Variants in GRIN2A observed in about 807,000 individuals in gnomAD.
The protein encoded by GRIN2A is glutamate ionotropic receptor NMDA type subunit 2A.
Under a neutral mutation model 113.4 loss-of-function variants are expected in GRIN2A, and 22 were observed. That is an observed-to-expected ratio of 0.19 (90% CI 0.14 to 0.28). The LOEUF (loss-of-function observed/expected upper bound fraction) is 0.28, where lower values mean the gene tolerates loss of function less well. Among genes scored for constraint, GRIN2A ranks in the 10% least tolerant of loss-of-function variants. GRIN2A has a pLI of 1.00. For missense variants in GRIN2A, 1,502 were observed against 1,887.0 expected (o/e 0.80, Z 3.78); for synonymous variants, 827 against 738.4 (o/e 1.12, Z -1.94).
chr16:9,947,624 C>G (rs1456360333), intron 2 of GRIN2A, among the ~76,000 whole-genome samples: 2 of 152,184 alleles, frequency 1.3e-5, no homozygotes, highest in African/African-American at 4.8e-5. Context: ...TGCTCAAGTT[C>G]CAGAAGAAAT....
chr16:10,007,037 T>G (rs2141856870), intron 2 of GRIN2A, among the ~76,000 whole-genome samples: 1 of 152,372 alleles, frequency 6.6e-6, no homozygotes, highest in Admixed American at 6.5e-5. Context: ...AATCTGTTGA[T>G]GAACACTTAG....
intron 2 of GRIN2A, among the ~76,000 whole-genome samples, chr16:9,944,968 C>G (rs563461401): frequency 1.8e-4 from 27 of 152,114 alleles, no homozygotes; most frequent in African/African-American, 5.3e-4. Flanking sequence ...AGTGAAGGAC[C>G]CTGATTCCAT....
chr16:10,106,021 A>G (rs2048494271), intron 2 of GRIN2A, among the ~76,000 whole-genome samples: 1 of 152,264 alleles, frequency 6.6e-6, no homozygotes, highest in African/African-American at 2.4e-5. Flanking sequence ...TGTACAGTAT[A>G]GCCTGCCAGC....
At chr16:9,894,496 T>G (rs2043763668) in intron 3 of GRIN2A, among the ~76,000 whole-genome samples, 1 of 152,160 alleles carries the variant, frequency 6.6e-6, no homozygotes, top group Non-Finnish European at 1.5e-5. Context: ...GTTTCCTGGC[T>G]GGAGTTTGAT....
At chr16:9,987,550 T>C (rs979173407) in intron 2 of GRIN2A, among the ~76,000 whole-genome samples, 3 of 152,026 alleles carry the variant, frequency 2.0e-5, no homozygotes, top group African/African-American at 7.2e-5. Flanking sequence ...ATTTCAAGAG[T>C]AGCATACAAA....
intron 4 of GRIN2A, among the ~76,000 whole-genome samples, chr16:9,864,599 T>G (rs2043130029): frequency 6.6e-6 from 1 of 152,186 alleles, no homozygotes; most frequent in South Asian, 2.1e-4. Context: ...AGCTGATGGA[T>G]TTCCTCACTC....
chr16:9,806,749 G>A (rs2041976158), intron 10 of GRIN2A, among the ~76,000 whole-genome samples: 1 of 133,012 alleles, frequency 7.5e-6, no homozygotes, highest in East Asian at 2.2e-4. Flanking sequence ...GAGATATATT[G>A]CAAGAAACTA....
chr16:10,174,244 C>T (rs2050101391), intron 2 of GRIN2A, among the ~76,000 whole-genome samples: 1 of 152,160 alleles, frequency 6.6e-6, no homozygotes, highest in South Asian at 2.1e-4. Flanking sequence ...AAGCAGGACC[C>T]TATCTGTGTC....
rs2042667439 is a variant in GRIN2A at position 9,841,000 on chromosome 16, T to C, written c.1433A>G (p.Tyr478Cys). 6.2e-7 allele frequency: 1 copy of C among 1,613,606 alleles called. No individual in the cohort carries two copies. The highest frequency in any genetic ancestry group is 8.5e-7 in the Non-Finnish European group (1 of 1,179,566). Residue 478 changes from tyrosine (Y) to cysteine (C), a missense_variant, in exon 6 of 13, where the codon TAT becomes TGT. Physicochemically the swap from Tyr to Cys is radical, Grantham distance 194. This residue lies in a region of GRIN2A where 82 missense variants were observed against 222.7 expected (regional missense o/e 0.37). Transcript: ENST00000330684. ...SRTVKFTYDLYLVTNGKHGKK... is the reference protein window; with the variant it reads ...SRTVKFTYDLCLVTNGKHGKK... ...GCCATGCTTCCCATTGGTCACCAGA[T>C]AGAGGTCGTAAGTAAACTTCACAGT...
chr16:9,935,573 G>T (rs937613079), intron 3 of GRIN2A, among the ~76,000 whole-genome samples: 6 of 140,644 alleles, frequency 4.3e-5, no homozygotes, highest in Admixed American at 3.5e-4. Context: ...TCCAGCCCCA[G>T]TTCAGAGATA....
rs1567195745 is a variant in GRIN2A, at chr16:9,950,396, C to T, written c.415-11845G>A. On this transcript the variant is annotated intron_variant, in intron 2 of 12. Coordinates refer to ENST00000330684, the MANE Select transcript of GRIN2A (RefSeq NM_001134407.3). ...ACCTCATGGTTACTTGAGGCCCTAG[C>T]CAAGGTAGAAAAAAGAAACTACCAA... 2.0e-5 allele frequency among the ~76,000 whole-genome samples: 3 copies of T among 152,088 alleles called. No homozygotes were observed. In the East Asian group the frequency reaches 5.8e-4, roughly 29 times the overall value.
intron 4 of GRIN2A, among the ~76,000 whole-genome samples, chr16:9,878,198 G>C (rs542101075): frequency 6.6e-6 from 1 of 152,174 alleles, no homozygotes; most frequent in African/African-American, 2.4e-5. Context: ...TTTGCGACTG[G>C]GATGGAGAAG....
chr16:9,793,847 G>C (rs1033511777), intron 11 of GRIN2A, among the ~76,000 whole-genome samples: 1 of 152,006 alleles, frequency 6.6e-6, no homozygotes, highest in African/African-American at 2.4e-5. Flanking sequence ...ATATACACGT[G>C]TGATATAAAT....
At chr16:9,808,662 C>T (rs558717692) in intron 10 of GRIN2A, among the ~76,000 whole-genome samples, 1 of 152,124 alleles carries the variant, frequency 6.6e-6, no homozygotes, top group Non-Finnish European at 1.5e-5. Flanking sequence ...GTATTAGAGA[C>T]AGAATATTAA....
intron 4 of GRIN2A, among the ~76,000 whole-genome samples, chr16:9,872,854 AC>A (rs1250913379): frequency 3.3e-5 from 5 of 150,558 alleles, no homozygotes; most frequent in African/African-American, 1.2e-4. Flanking sequence ...ACATGGCGAA[AC>A]CCTATCTCTA....
intron 2 of GRIN2A, among the ~76,000 whole-genome samples, chr16:9,952,712 T>C (rs984979991): frequency 4.6e-5 from 7 of 152,310 alleles, no homozygotes; most frequent in Admixed American, 6.5e-5. Context: ...TGTTTGTTCA[T>C]TGATCCCAAG....
chr16:9,975,632 CA>C (rs1397483212), intron 2 of GRIN2A, among the ~76,000 whole-genome samples: 1 of 152,136 alleles, frequency 6.6e-6, no homozygotes, highest in African/African-American at 2.4e-5. Flanking sequence ...ACATGAAAAA[CA>C]GAGGGGAAAT....
chr16:9,875,517 C>T (rs1052383411), intron 4 of GRIN2A, among the ~76,000 whole-genome samples: 5 of 152,172 alleles, frequency 3.3e-5, no homozygotes, highest in African/African-American at 1.2e-4. Context: ...CTGGGGGGAG[C>T]AGCTCTCTGT....
At chr16:9,811,265 A>G (rs2042081210) in intron 10 of GRIN2A, among the ~76,000 whole-genome samples, 1 of 152,134 alleles carries the variant, frequency 6.6e-6, no homozygotes, top group Admixed American at 6.5e-5. Context: ...GCACAACATC[A>G]TGGGTCAGAA....
Sources: gnomAD v4.1 joint callset for allele counts (sites outside exome capture counted in the v4.1 genomes callset) on GRCh38, gnomAD v4.1.1 for gene constraint, gnomAD v4.1.1 regional missense constraint, MANE v1.5 for transcripts, NCBI Gene and HGNC (gene_info 2026-07-23, HGNC 2026-07-21) for gene names.